Variants in HNF1A observed in about 807,000 individuals in gnomAD.
HNF1A encodes the protein HNF1 homeobox A.
Under a neutral mutation model 62.2 loss-of-function variants are expected in HNF1A, and 21 were observed. The observed-to-expected ratio is 0.34, with a 90% CI of 0.24 to 0.49. HNF1A has a LOEUF of 0.49. Ranked by LOEUF, HNF1A falls within the 20% of genes least tolerant of loss-of-function variation. HNF1A has a pLI of 0.99. For synonymous variants in HNF1A, 374 were observed against 366.8 expected, an observed-to-expected ratio of 1.02 and a Z score of -0.22; for missense variants, 687 against 832.3, an observed-to-expected ratio of 0.83 and a Z score of 2.15.
At chr12:120,980,312 CAAAGAT>C (rs1397905178) in intron 1 of HNF1A, among the ~76,000 whole-genome samples, 1 of 151,944 alleles carries the variant, frequency 6.6e-6, no homozygotes, top group Non-Finnish European at 1.5e-5. Context: ...GACCGAGCCC[CAAAGAT>C]GCTCCAAAGG....
At position 121,002,050 on chromosome 12, in the gene HNF1A, C is replaced by T. The variant is rs978495668; in HGVS notation, c.*858C>T. On this transcript the variant is annotated 3_prime_UTR_variant, in exon 10 of 10. Transcript: ENST00000257555. Reference sequence around the variant, plus strand: ...TCCAGGTCCTGGTGGGGCAGCTCCTCTGTCTCGAGCGCCCTGCAGACCCTG... The same window carrying T: ...TCCAGGTCCTGGTGGGGCAGCTCCTTTGTCTCGAGCGCCCTGCAGACCCTG... 1.7e-5 allele frequency: 9 copies of T among 536,794 alleles called. No homozygotes were observed. The highest frequency in any genetic ancestry group is 1.5e-4 in the African/African-American group (8 of 53,976). The allele number at this position is 536,794 out of a possible 1,614,324, so 33.3% of individuals were successfully genotyped here.
At position 120,994,405 on chromosome 12, in the gene HNF1A, G is replaced by A. The variant is rs137853240; in HGVS notation, c.955G>A (p.Gly319Ser). 11 of 1,587,410 alleles carry A rather than the reference G, an allele frequency of 6.9e-6. No individual in the cohort carries two copies. Among genetic ancestry groups the A allele is most frequent in the Admixed American group, 1.8e-5 (1 of 55,474 alleles). ...TGCCCTCTCCCCCAGTAAGGTCCAC[G>A]GTAAGTGGTATGTGGGGACAAGGGA... ...PPALSPSKVH[G>S]VRYGQPATSE... Residue 319 changes from glycine (G) to serine (S), a missense_variant and splice_region_variant, in exon 4 of 10, where the codon GGT becomes AGT. Gly to Ser is a moderately conservative substitution (Grantham distance 56). Around this residue, in one of 5 missense-constraint regions of HNF1A, gnomAD observed 408 missense variants for 455.3 expected, o/e 0.90. Transcript: ENST00000257555.
chr12:120,993,050 G>A (rs532928022), intron 2 of HNF1A, among the ~76,000 whole-genome samples: 2 of 152,152 alleles, frequency 1.3e-5, no homozygotes, highest in Non-Finnish European at 2.9e-5. Flanking sequence ...GCTAACATTT[G>A]CATTTTAAGC....
Position 120,995,399 on chromosome 12 carries a change from A to T in HNF1A, c.956-863A>T, listed in dbSNP as rs1877050167. Reference sequence around the variant, plus strand: ...AGCTCCATTAGACTCCACTCCATCCACTCTACCCACTCTTCTCTCCACTCC... The same window carrying T: ...AGCTCCATTAGACTCCACTCCATCCTCTCTACCCACTCTTCTCTCCACTCC... On this transcript the variant is annotated intron_variant, in intron 4 of 9. Coordinates refer to ENST00000257555, the MANE Select transcript of HNF1A (RefSeq NM_000545.8). 1.3e-5 allele frequency among the ~76,000 whole-genome samples: 2 copies of T among 149,754 alleles called. 1 individual carries two copies. The highest frequency in any genetic ancestry group is 4.2e-4 in the South Asian group (2 of 4,742).
chr12:120,999,223 G>A (rs752530220), intron 7 of HNF1A, 45 bp from the exon 8 acceptor site: 33 of 1,612,600 alleles, frequency 2.0e-5, no homozygotes, highest in Non-Finnish European at 2.7e-5. Flanking sequence ...GACTAGGGCT[G>A]TCAGGCACGT....
intron 2 of HNF1A, among the ~76,000 whole-genome samples, chr12:120,992,850 T>G (rs1876900637): frequency 1.3e-5 from 2 of 152,182 alleles, no homozygotes; most frequent in Admixed American, 1.3e-4. Flanking sequence ...TTCTTGGCAC[T>G]GAGATGGTGA....
At position 120,978,710 on chromosome 12, in the gene HNF1A, G is replaced by T; in HGVS notation, c.-59G>T. On this transcript the variant is annotated 5_prime_UTR_variant, in exon 1 of 10. Transcript: ENST00000257555. ...GCCGGCAGGCAAACGCAACCCACGC[G>T]GTGGGGGAGGCGGCTAGCGTGGTGG... 4 of 1,526,928 alleles carry T rather than the reference G, an allele frequency of 2.6e-6. No individual in the cohort carries two copies. The highest frequency in any genetic ancestry group is 1.1e-5 in the South Asian group (1 of 89,030). 94.6% of individuals were successfully genotyped at this position (1,526,928 alleles called of 1,614,324 possible).
Position 120,978,611 on chromosome 12 carries a change from G to T in HNF1A, c.-158G>T. On this transcript the variant is annotated 5_prime_UTR_variant, in exon 1 of 10. Transcript: ENST00000257555. ...CCGCTGGGGCCAGGGTTGGGGGTTG[G>T]GGGTGCCCACAGGGCTTGGCTAGTG... is the stretch of plus-strand genomic sequence containing the variant. 1.4e-6 allele frequency: 1 copy of T among 716,720 alleles called. No homozygotes were observed. Among genetic ancestry groups the T allele is most frequent in the Non-Finnish European group, 2.5e-6 (1 of 403,966 alleles). The allele number at this position is 716,720 out of a possible 1,614,324, so 44.4% of individuals were successfully genotyped here. A position where few individuals can be genotyped will look rare whatever the true frequency, so the allele number is the denominator to read the frequency against.
chr12:120,987,586 A>T lies in HNF1A; in HGVS notation c.327-1247A>T, dbSNP rs35379941. On this transcript the variant is annotated intron_variant, in intron 1 of 9. Coordinates refer to ENST00000257555, the MANE Select transcript of HNF1A (RefSeq NM_000545.8). Reference sequence around the variant, plus strand: ...GTGCAGATTTTCAGGAAGCATTTTTAAAAATATATATATATATATATACAC... The same window carrying T: ...GTGCAGATTTTCAGGAAGCATTTTTTAAAATATATATATATATATATACAC... 4.5e-3 allele frequency among the ~76,000 whole-genome samples: 61 copies of T among 13,434 alleles called. No individual in the cohort carries two copies. In the East Asian group the frequency reaches 0.1, roughly 22 times the overall value. The allele number at this position is 13,434 out of a possible 152,430, so 8.8% of individuals were successfully genotyped here. A position where few individuals can be genotyped will look rare whatever the true frequency, so the allele number is the denominator to read the frequency against.
chr12:120,995,318 A>C (rs973230961), intron 4 of HNF1A, among the ~76,000 whole-genome samples: 2 of 150,042 alleles, frequency 1.3e-5, no homozygotes, highest in Admixed American at 6.6e-5. Context: ...CCTCTACTTC[A>C]TTCAACTCTG....
At position 120,994,262 on chromosome 12, in the gene HNF1A, G is replaced by A. The variant is rs779184183; in HGVS notation, c.812G>A (p.Arg271Gln). ...CGTGTCTACAACTGGTTTGCCAACC[G>A]GCGCAAAGAAGAAGCCTTCCGGCAC... ...EVRVYNWFAN[R>Q]RKEEAFRHKL... The change falls in exon 4 of 10, where the codon CGG becomes CAG. Residue 271 changes from arginine (R) to glutamine (Q), a missense_variant. Coordinates refer to ENST00000257555, the MANE Select transcript of HNF1A (RefSeq NM_000545.8). 5 of 1,613,550 alleles carry A rather than the reference G, an allele frequency of 3.1e-6. No homozygotes were observed. Among genetic ancestry groups the A allele is most frequent in the East Asian group, 2.2e-5 (1 of 44,884 alleles).
intron 1 of HNF1A, among the ~76,000 whole-genome samples, chr12:120,986,132 C>G (rs977289885): frequency 6.6e-6 from 1 of 152,150 alleles, no homozygotes; most frequent in East Asian, 1.9e-4. Context: ...AACCAGAGTC[C>G]CCAGTTCCTT....
At position 120,993,393 on chromosome 12, in the gene HNF1A, G is replaced by A. The variant is rs118184679; in HGVS notation, c.527-127G>A. 3.1e-4 allele frequency: 270 copies of A among 881,368 alleles called. No homozygotes were observed. The East Asian group carries it at 6.0e-3, about 20-fold the overall frequency. The allele number at this position is 881,368 out of a possible 1,614,324, so 54.6% of individuals were successfully genotyped here. ...CATCAGTAGATTAGATGATTTCTAA[G>A]TTCTAGCTGTAAGCTCCTCTGGTTC... On this transcript the variant is annotated intron_variant, in intron 2 of 9. Coordinates refer to ENST00000257555, the MANE Select transcript of HNF1A (RefSeq NM_000545.8).
intron 1 of HNF1A, among the ~76,000 whole-genome samples, chr12:120,983,197 G>A (rs1260815088): frequency 6.6e-6 from 1 of 152,166 alleles, no homozygotes; most frequent in Non-Finnish European, 1.5e-5. Context: ...GATGTGGGCG[G>A]GTCTTCACTT....
intron 1 of HNF1A, among the ~76,000 whole-genome samples, chr12:120,982,409 A>G (rs1876297779): frequency 6.6e-6 from 1 of 151,848 alleles, no homozygotes; most frequent in African/African-American, 2.4e-5. Context: ...GATCCTGCCC[A>G]TCAGGCAGCA....
intron 1 of HNF1A, among the ~76,000 whole-genome samples, chr12:120,983,635 T>C (rs1051466532): frequency 7.3e-5 from 11 of 151,306 alleles, no homozygotes; most frequent in African/African-American, 2.7e-4. Context: ...AACCTCCGCC[T>C]CCCGGGTTCA....
Position 120,997,659 on chromosome 12 carries a change from C to T in HNF1A, c.1495C>T (p.Pro499Ser). ...GGCCACCATGGCTCAGCTGCAGAGC[C>T]CCCACGGTGAGCGCCCTGTGCCCCA... ...FMATMAQLQS[P>S]HALYSHKPEV... is the part of the protein sequence containing the mutation. Residue 499 changes from proline to serine, a missense_variant, in exon 7 of 10, where the codon CCC becomes TCC. Pro to Ser is a moderately conservative substitution (Grantham distance 74). This residue lies in a region of HNF1A where 408 missense variants were observed against 455.3 expected (regional missense o/e 0.90). Coordinates refer to ENST00000257555, the MANE Select transcript of HNF1A (RefSeq NM_000545.8). 1 of 1,611,028 alleles carries T rather than the reference C, an allele frequency of 6.2e-7. No homozygotes were observed. Among genetic ancestry groups the T allele is most frequent in the African/African-American group, 1.3e-5 (1 of 74,972 alleles).
intron 3 of HNF1A, 120 bp from the exon 4 acceptor site, chr12:120,994,044 C>A (rs1160013428): frequency 5.8e-6 from 8 of 1,385,784 alleles, no homozygotes; most frequent in Admixed American, 4.0e-5. Context: ...GCATTGGAAC[C>A]CAGATCTGCC....
chr12:120,987,620 A>T (rs1023000258), intron 1 of HNF1A, among the ~76,000 whole-genome samples: 1 of 151,806 alleles, frequency 6.6e-6, no homozygotes, highest in Non-Finnish European at 1.5e-5. Context: ...ACATATATAT[A>T]TATACAGAGA....
Sources: gnomAD v4.1 joint callset for allele counts (sites outside exome capture counted in the v4.1 genomes callset) on GRCh38, gnomAD v4.1.1 for gene constraint, gnomAD v4.1.1 regional missense constraint, MANE v1.5 for transcripts, NCBI Gene and HGNC (gene_info 2026-07-23, HGNC 2026-07-21) for gene names.